ABCC1: variants seen among roughly 807,000 people sequenced by gnomAD.
ABCC1 encodes the protein multidrug resistance-associated protein 1.
In ABCC1, 83 loss-of-function variants were observed where a neutral mutation model predicts 172.9. That is an observed-to-expected ratio of 0.48 (90% CI 0.40 to 0.58). The LOEUF is 0.58. Ranked by LOEUF, ABCC1 falls within the 20% of genes least tolerant of loss-of-function variation. The pLI is 0.00. For synonymous variants in ABCC1, 937 were observed against 825.2 expected, an observed-to-expected ratio of 1.14 and a Z score of -2.32; for missense variants, 1,817 against 2,002.7, an observed-to-expected ratio of 0.91 and a Z score of 1.77.
intron 6 of ABCC1, among the ~76,000 whole-genome samples, chr16:16,035,496 T>C (rs1180681014): frequency 6.6e-6 from 1 of 151,786 alleles, no homozygotes; most frequent in Admixed American, 6.6e-5. Flanking sequence ...CAGCCTATTT[T>C]TTTTTTTTTC....
At chr16:15,971,409 G>A (rs955372729) in intron 1 of ABCC1, among the ~76,000 whole-genome samples, 4 of 152,202 alleles carry the variant, frequency 2.6e-5, no homozygotes, top group Non-Finnish European at 4.4e-5. Flanking sequence ...GCTTGCATTT[G>A]CATATCAAAG....
chr16:16,034,382 T>C (rs2048668714), intron 6 of ABCC1, among the ~76,000 whole-genome samples: 1 of 152,098 alleles, frequency 6.6e-6, no homozygotes, highest in Non-Finnish European at 1.5e-5. Context: ...TTTAAATAAT[T>C]TCTTCAAGTT....
At chr16:15,983,260 T>G (rs578213070) in intron 1 of ABCC1, among the ~76,000 whole-genome samples, 2 of 152,246 alleles carry the variant, frequency 1.3e-5, no homozygotes, top group African/African-American at 4.8e-5. Flanking sequence ...GAACCCACTC[T>G]GCAAAGGCCC....
At chr16:15,984,187 G>A (rs2046693013) in intron 1 of ABCC1, among the ~76,000 whole-genome samples, 1 of 152,200 alleles carries the variant, frequency 6.6e-6, no homozygotes, top group African/African-American at 2.4e-5. Context: ...TGGTAGGGTG[G>A]GATGCTTGCA....
At chr16:16,076,787 C>G (rs1025539705) in intron 15 of ABCC1, among the ~76,000 whole-genome samples, 5 of 152,178 alleles carry the variant, frequency 3.3e-5, no homozygotes, top group Admixed American at 6.5e-5. Flanking sequence ...TCTGCTTTAT[C>G]CTCACGCATC....
chr16:16,056,077 C>T lies in ABCC1; in HGVS notation c.1474-15C>T. 6.2e-7 allele frequency: 1 copy of T among 1,613,162 alleles called. No homozygotes were observed. The highest frequency in any genetic ancestry group is 8.5e-7 in the Non-Finnish European group (1 of 1,179,178). On this transcript the variant is annotated splice_polypyrimidine_tract_variant and intron_variant, in intron 11 of 30. Coordinates refer to ENST00000399410, the MANE Select transcript of ABCC1 (RefSeq NM_004996.4). ...AGGGTCGCCCCAGATGTGTTGACTG[C>T]CCGTCTCTTCCAAGGTGGCCCACAT...
intron 1 of ABCC1, among the ~76,000 whole-genome samples, chr16:15,968,786 G>A (rs564959325): frequency 1.3e-5 from 2 of 152,178 alleles, no homozygotes; most frequent in South Asian, 4.2e-4. Context: ...GCAGGGGCAC[G>A]ATCATGGCCC....
At chr16:16,099,422 GC>G (rs1423712990) in intron 19 of ABCC1, among the ~76,000 whole-genome samples, 1 of 152,190 alleles carries the variant, frequency 6.6e-6, no homozygotes, top group African/African-American at 2.4e-5. Flanking sequence ...CATCCCTCCT[GC>G]CTTCTGCAGT....
chr16:15,995,963 C>T (rs537752685), intron 1 of ABCC1, among the ~76,000 whole-genome samples: 49 of 151,284 alleles, frequency 3.2e-4, no homozygotes, highest in African/African-American at 1.2e-3. Context: ...GTGTGTACCA[C>T]CACGCCCAGC....
chr16:16,077,598 C>T (rs1243234029), intron 15 of ABCC1, among the ~76,000 whole-genome samples: 1 of 152,148 alleles, frequency 6.6e-6, no homozygotes, highest in African/African-American at 2.4e-5. Flanking sequence ...ACTGGGCTTC[C>T]TGCCCACTCA....
Position 16,044,475 on chromosome 16 carries a change from T to A in ABCC1, c.835T>A (p.Ser279Thr). 6.2e-7 allele frequency: 1 copy of A among 1,614,114 alleles called. No homozygotes were observed. The highest frequency in any genetic ancestry group is 8.5e-7 in the Non-Finnish European group (1 of 1,180,016). ...RKQPVKVVYS[S>T]KDPAQPKESS... ...GCAGCCGGTGAAGGTTGTGTACTCC[T>A]CCAAGGATCCTGCCCAGCCGAAAGA... is the stretch of plus-strand genomic sequence containing the variant. Residue 279 changes from serine to threonine, a missense_variant, in exon 8 of 31, where the codon TCC (serine) becomes ACC (threonine). Around this residue, in one of 3 missense-constraint regions of ABCC1, gnomAD observed 398 missense variants for 384.2 expected, o/e 1.04. Transcript: ENST00000399410.
At chr16:16,065,435 ATAT>A (rs1320147334) in intron 12 of ABCC1, among the ~76,000 whole-genome samples, 3 of 151,662 alleles carry the variant, frequency 2.0e-5, no homozygotes, top group Non-Finnish European at 4.4e-5. Context: ...TTATTTATTA[ATAT>A]TATTGTTGTT....
At chr16:16,125,047 T>TACAGTGCC in intron 25 of ABCC1, 132 bp downstream of exon 25, 1 of 1,324,266 alleles carries the variant, frequency 7.6e-7, no homozygotes, top group Non-Finnish European at 1.0e-6. Context: ...GAGGAGCAGG[T>TACAGTGCC]ACAGTGCCAC....
At chr16:16,021,395 C>T (rs2048187533) in intron 5 of ABCC1, among the ~76,000 whole-genome samples, 1 of 151,644 alleles carries the variant, frequency 6.6e-6, no homozygotes, top group Non-Finnish European at 1.5e-5. Flanking sequence ...TTTAAGTATG[C>T]AATTCAGTGA....
intron 1 of ABCC1, among the ~76,000 whole-genome samples, chr16:16,001,939 A>T (rs1597097021): frequency 6.6e-6 from 1 of 152,174 alleles, no homozygotes; most frequent in South Asian, 2.1e-4. Flanking sequence ...GGTGGTTTCA[A>T]ACTCCTGGGC....
chr16:16,030,774 C>G (rs1227304725), intron 5 of ABCC1, among the ~76,000 whole-genome samples: 2 of 152,016 alleles, frequency 1.3e-5, no homozygotes, highest in African/African-American at 4.8e-5. Context: ...AAAACAAAAA[C>G]AAAGCTTCAG....
At chr16:16,016,058 C>G (rs1475505283) in intron 4 of ABCC1, among the ~76,000 whole-genome samples, 1 of 151,972 alleles carries the variant, frequency 6.6e-6, no homozygotes, top group East Asian at 1.9e-4. Context: ...TCTGCCATTA[C>G]ATCCCGGGGG....
chr16:16,049,235 C>G (rs1408016092), intron 10 of ABCC1, among the ~76,000 whole-genome samples: 3 of 152,160 alleles, frequency 2.0e-5, no homozygotes, highest in Admixed American at 2.0e-4. Flanking sequence ...GACAAGGCAG[C>G]ATTTCTCTGC....
chr16:16,014,373 G>C (rs2047908433), intron 3 of ABCC1, 118 bp from the exon 4 acceptor site: 7 of 1,181,226 alleles, frequency 5.9e-6, no homozygotes, highest in Non-Finnish European at 8.1e-6. Flanking sequence ...TTGAACCTGG[G>C]AGGCGGAGGT....
Sources: allele counts gnomAD v4.1 joint callset (sites outside exome capture counted in the v4.1 genomes callset), GRCh38; gene constraint gnomAD v4.1.1; regional missense constraint gnomAD v4.1.1; transcripts MANE v1.5; gene names NCBI Gene and HGNC (gene_info 2026-07-23, HGNC 2026-07-21).